Variants in KCNQ1 observed in about 807,000 individuals in gnomAD.
The protein encoded by KCNQ1 is potassium voltage-gated channel subfamily KQT member 1.
In KCNQ1, 49 loss-of-function variants were observed where a neutral mutation model predicts 72.4. The observed-to-expected ratio is 0.68, with a 90% CI of 0.54 to 0.86. The LOEUF (loss-of-function observed/expected upper bound fraction) is 0.86, where lower values mean the gene tolerates loss of function less well. Ranked by LOEUF, KCNQ1 falls within the 40% of genes least tolerant of loss-of-function variation. The pLI is 0.00. For synonymous variants in KCNQ1, 450 were observed against 412.6 expected (o/e 1.09, Z -1.10); for missense variants, 790 against 945.1 (o/e 0.84, Z 2.15).
Position 2,592,723 on chromosome 11 carries a change from C to A in KCNQ1, c.1393+3869C>A, listed in dbSNP as rs574823389. ...CATTGTCTGTGCCCAGCCTGGGGAG[C>A]CTGACACTCACAGCCCGGCTGCTGC... On this transcript the variant is annotated intron_variant, in intron 10 of 15. Coordinates refer to ENST00000155840, the MANE Select transcript of KCNQ1 (RefSeq NM_000218.3). This position sits in a 1 kb window ranked among gnomAD's most constrained non-coding sequence, Gnocchi z 5.2. Among the ~76,000 whole-genome samples the A allele has an allele frequency of 6.6e-6, 1 of 152,188 alleles. No homozygotes were observed. Among genetic ancestry groups the A allele is most frequent in the Non-Finnish European group, 1.5e-5 (1 of 68,032 alleles).
chr11:2,648,713 G>A (rs1184254535), intron 10 of KCNQ1: 2 of 398,376 alleles, frequency 5.0e-6, no homozygotes, highest in African/African-American at 2.1e-5. Flanking sequence ...CCTGGAGAAT[G>A]TGCTGTGTGC....
rs1018896444 is a variant in KCNQ1 at position 2,600,244 on chromosome 11, C to T, written c.1393+11390C>T. ...ACATCTCCACATGTTGCTACATGTCCCCTGGAGGGCAAAATTGCCCCCAGT... is the reference window on the plus strand; with the variant it reads ...ACATCTCCACATGTTGCTACATGTCTCCTGGAGGGCAAAATTGCCCCCAGT... On this transcript the variant is annotated intron_variant, in intron 10 of 15. Transcript: ENST00000155840. The surrounding 1 kb of genome is among the most constrained non-coding windows in gnomAD (Gnocchi z 5.6). 3.9e-5 allele frequency among the ~76,000 whole-genome samples: 6 copies of T among 152,158 alleles called. No homozygotes were observed. The highest frequency in any genetic ancestry group is 1.4e-4 in the African/African-American group (6 of 41,438).
chr11:2,823,693 C>T (rs546681889), intron 15 of KCNQ1, among the ~76,000 whole-genome samples: 85 of 152,284 alleles, frequency 5.6e-4, no homozygotes, highest in African/African-American at 1.8e-3. Flanking sequence ...TCCAAAACAG[C>T]GGAGGATCTC....
chr11:2,795,441 C>T (rs556219542), intron 15 of KCNQ1, among the ~76,000 whole-genome samples: 4 of 152,300 alleles, frequency 2.6e-5, no homozygotes, highest in South Asian at 4.1e-4. Flanking sequence ...AGCCGAGGGG[C>T]TCCTCCTCCT....
At position 2,612,729 on chromosome 11, in the gene KCNQ1, C is replaced by T; in HGVS notation, c.1393+23875C>T. 2.5e-6 allele frequency: 1 copy of T among 398,482 alleles called. No individual in the cohort carries two copies. Among genetic ancestry groups the T allele is most frequent in the Admixed American group, 4.4e-5 (1 of 22,724 alleles). 24.7% of individuals were successfully genotyped at this position (398,482 alleles called of 1,614,324 possible). On this transcript the variant is annotated intron_variant, in intron 10 of 15. Coordinates refer to ENST00000155840, the MANE Select transcript of KCNQ1 (RefSeq NM_000218.3). The surrounding 1 kb of genome is among the most constrained non-coding windows in gnomAD (Gnocchi z 5.5). ...TGAAATCGCGCCCTAACATTTGGGG[C>T]CCTTCAGAGATAATTCCTATTTATT...
intron 2 of KCNQ1, among the ~76,000 whole-genome samples, chr11:2,554,813 A>G (rs1055085929): frequency 5.3e-5 from 8 of 152,246 alleles, no homozygotes; most frequent in African/African-American, 1.9e-4. Flanking sequence ...AGTTGTTCAC[A>G]TATTAGCTCT....
chr11:2,699,706 C>T (rs917354434), intron 11 of KCNQ1: 35 of 221,094 alleles, frequency 1.6e-4, no homozygotes, highest in African/African-American at 5.3e-4. Flanking sequence ...CCGAGGAGAA[C>T]GGCGCCGAGG....
chr11:2,507,435 A>C lies in KCNQ1; in HGVS notation c.387-20493A>C, dbSNP rs1847123694. Among the ~76,000 whole-genome samples the C allele has an allele frequency of 6.6e-6, 1 of 151,858 alleles. No individual in the cohort carries two copies. The highest frequency in any genetic ancestry group is 1.5e-5 in the Non-Finnish European group (1 of 67,992). On this transcript the variant is annotated intron_variant, in intron 1 of 15. Coordinates refer to ENST00000155840, the MANE Select transcript of KCNQ1 (RefSeq NM_000218.3). This position sits in a 1 kb window ranked among gnomAD's most constrained non-coding sequence, Gnocchi z 5.4. ...TGGTTTGCTCTAGAGGGTTTGAAGG[A>C]AGGGTGAGAAGTCAGGACCACTGCT...
rs555860075 is a variant in KCNQ1 at position 2,566,438 on chromosome 11, G to C, written c.478-4190G>C. On this transcript the variant is annotated intron_variant, in intron 2 of 15. Coordinates refer to ENST00000155840, the MANE Select transcript of KCNQ1 (RefSeq NM_000218.3). The surrounding 1 kb of genome is among the most constrained non-coding windows in gnomAD (Gnocchi z 6.7). ...CAGTCTTCCCTCCCCTAAGCTGCGG[G>C]TGACCTGACCTAGTTGAGCCTGGCT... Among the ~76,000 whole-genome samples the C allele has an allele frequency of 2.6e-4, 39 of 152,246 alleles. No individual in the cohort carries two copies. Among genetic ancestry groups the C allele is most frequent in the African/African-American group, 8.9e-4 (37 of 41,540 alleles).
chr11:2,777,087 C>A lies in KCNQ1; in HGVS notation c.1732+55C>A, dbSNP rs368501622. ...CAGCAGCCTGCAATGGACTCTCCCG[C>A]ACCTCTGCCCTCCTGGCTCTCCCCA... On this transcript the variant is annotated intron_variant, in intron 14 of 15. Coordinates refer to ENST00000155840, the MANE Select transcript of KCNQ1 (RefSeq NM_000218.3). The A allele has an allele frequency of 2.6e-6, 4 of 1,535,790 alleles. No individual in the cohort carries two copies. In the South Asian group the frequency reaches 4.5e-5, roughly 17 times the overall value.
Position 2,491,480 on chromosome 11 carries a change from A to G in KCNQ1, c.387-36448A>G, listed in dbSNP as rs1482170006. On this transcript the variant is annotated intron_variant, in intron 1 of 15. Coordinates refer to ENST00000155840, the MANE Select transcript of KCNQ1 (RefSeq NM_000218.3). The surrounding 1 kb of genome is among the most constrained non-coding windows in gnomAD (Gnocchi z 4.1). ...TGTATCAGAATCTCTTGATAACAGC[A>G]TTGATCAAGAACAAAAAAGAATTAG... Among the ~76,000 whole-genome samples, 1 of 152,236 alleles carries G rather than the reference A, an allele frequency of 6.6e-6. No individual in the cohort carries two copies. Among genetic ancestry groups the G allele is most frequent in the Non-Finnish European group, 1.5e-5 (1 of 68,046 alleles).
In KCNQ1 at chr11:2,572,748, C is replaced by A. The variant is rs766916660; in HGVS notation, c.781-98C>A. 1.3e-5 allele frequency: 19 copies of A among 1,510,228 alleles called. No homozygotes were observed. In the East Asian group the frequency reaches 3.7e-4, roughly 29 times the overall value. 93.6% of individuals were successfully genotyped at this position (1,510,228 alleles called of 1,614,324 possible). On this transcript the variant is annotated intron_variant, in intron 5 of 15. Transcript: ENST00000155840. ...TGAACCGCGCTGGAGCGGCGTAGGA[C>A]GCCCAGTGATCGCTGGGACTCGCTG...
Position 2,698,214 on chromosome 11 carries a change from T to C in KCNQ1, c.1514+36133T>C, listed in dbSNP as rs891164478. 12 of 398,524 alleles carry C rather than the reference T, an allele frequency of 3.0e-5. No individual in the cohort carries two copies. Among genetic ancestry groups the C allele is most frequent in the Middle Eastern group, 6.2e-4 (1 of 1,610 alleles). 24.7% of individuals were successfully genotyped at this position (398,524 alleles called of 1,614,324 possible). A position where few individuals can be genotyped will look rare whatever the true frequency, so the allele number is the denominator to read the frequency against. On this transcript the variant is annotated intron_variant, in intron 11 of 15. Coordinates refer to ENST00000155840, the MANE Select transcript of KCNQ1 (RefSeq NM_000218.3). This position sits in a 1 kb window ranked among gnomAD's most constrained non-coding sequence, Gnocchi z 5.1. ...CCACAGTAAAGAAAGAACTGGTAAA[T>C]GCACATCAAATGTGGATATTATCAG...
rs1849946835 is a variant in KCNQ1 at position 2,661,011 on chromosome 11, T to C, written c.1394-950T>C. On this transcript the variant is annotated intron_variant, in intron 10 of 15. Coordinates refer to ENST00000155840, the MANE Select transcript of KCNQ1 (RefSeq NM_000218.3). The surrounding 1 kb of genome is among the most constrained non-coding windows in gnomAD (Gnocchi z 5.9). ...TGACTAAAATAATTAAATCCATGCCTATATACCTAGAGAAAAATGAAATGA... is the reference window on the plus strand; with the variant it reads ...TGACTAAAATAATTAAATCCATGCCCATATACCTAGAGAAAAATGAAATGA... The C allele has an allele frequency of 2.5e-6, 1 of 398,594 alleles. No individual in the cohort carries two copies. The highest frequency in any genetic ancestry group is 4.4e-6 in the Non-Finnish European group (1 of 226,064). 24.7% of individuals were successfully genotyped at this position (398,594 alleles called of 1,614,324 possible). A position where few individuals can be genotyped will look rare whatever the true frequency, so the allele number is the denominator to read the frequency against.
In KCNQ1 at chr11:2,813,600, T is replaced by C. The variant is rs893454429; in HGVS notation, c.1795-34167T>C. Among the ~76,000 whole-genome samples, 2 of 152,066 alleles carry C rather than the reference T, an allele frequency of 1.3e-5. No homozygotes were observed. Among genetic ancestry groups the C allele is most frequent in the Admixed American group, 1.3e-4 (2 of 15,268 alleles). On this transcript the variant is annotated intron_variant, in intron 15 of 15. Coordinates refer to ENST00000155840, the MANE Select transcript of KCNQ1 (RefSeq NM_000218.3). The surrounding 1 kb of genome is among the most constrained non-coding windows in gnomAD (Gnocchi z 4.4). ...TGTCCTCTGTCGAGGGGGCAGGGAC[T>C]CAAAGGATGAGAGAAGGAACAGAGG...
At position 2,463,753 on chromosome 11, in the gene KCNQ1, G is replaced by A. The variant is rs1379172447; in HGVS notation, c.386+18269G>A. ...TGTGCAACTCGAGTTTCAGAGTGGC[G>A]GCCTCTGCTCCTCACAAGACATTGC... On this transcript the variant is annotated intron_variant, in intron 1 of 15. Transcript: ENST00000155840. The surrounding 1 kb of genome is among the most constrained non-coding windows in gnomAD (Gnocchi z 7.0). Among the ~76,000 whole-genome samples, 3 of 152,246 alleles carry A rather than the reference G, an allele frequency of 2.0e-5. No individual in the cohort carries two copies. Among genetic ancestry groups the A allele is most frequent in the East Asian group, 1.9e-4 (1 of 5,204 alleles).
At chr11:2,694,191 C>T in intron 11 of KCNQ1, 1 of 398,676 alleles carries the variant, frequency 2.5e-6, no homozygotes. Context: ...GGGCCAGGGT[C>T]TTTCTCACCG....
At chr11:2,548,451 A>G (rs577900658) in intron 2 of KCNQ1, among the ~76,000 whole-genome samples, 20 of 152,360 alleles carry the variant, frequency 1.3e-4, no homozygotes, top group African/African-American at 4.6e-4. Context: ...GAACAAAGAA[A>G]AATTCCGGTA....
intron 2 of KCNQ1, among the ~76,000 whole-genome samples, chr11:2,534,215 G>A (rs1490600617): frequency 6.6e-6 from 1 of 152,186 alleles, no homozygotes; most frequent in Non-Finnish European, 1.5e-5. Context: ...GAACAAGGTC[G>A]GGTCCTGTCC....
Sources: gnomAD v4.1 joint callset for allele counts (sites outside exome capture counted in the v4.1 genomes callset) on GRCh38, gnomAD v4.1.1 for gene constraint, Gnocchi (gnomAD v3.1) non-coding constraint, MANE v1.5 for transcripts, NCBI Gene and HGNC (gene_info 2026-07-23, HGNC 2026-07-21) for gene names.